ROBO2: variants seen among roughly 807,000 people sequenced by gnomAD.
The protein encoded by ROBO2 is roundabout homolog 2.
Under a neutral mutation model 160.8 loss-of-function variants are expected in ROBO2, and 53 were observed. That is an observed-to-expected ratio of 0.33 (90% CI 0.26 to 0.41). The LOEUF (loss-of-function observed/expected upper bound fraction) is 0.41, where lower values mean the gene tolerates loss of function less well. ROBO2 is among the 10% of genes least tolerant of loss of function. The pLI, the probability that ROBO2 is intolerant of heterozygous loss-of-function variation, is 1.00. For synonymous variants in ROBO2, 664 were observed against 611.7 expected (o/e 1.09, Z -1.26); for missense variants, 1,577 against 1,722.4 (o/e 0.92, Z 1.49).
At chr3:76,401,283 A>G (rs190651923) in intron 2 of ROBO2, among the ~76,000 whole-genome samples, 7 of 151,672 alleles carry the variant, frequency 4.6e-5, no homozygotes, top group Non-Finnish European at 1.0e-4. Flanking sequence ...GTTTAACTAC[A>G]TCAGATTGAA....
chr3:77,199,414 T>A (rs1170386703), intron 2 of ROBO2, among the ~76,000 whole-genome samples: 1 of 152,172 alleles, frequency 6.6e-6, no homozygotes, highest in Non-Finnish European at 1.5e-5. Flanking sequence ...AGTCTTTAAA[T>A]GACGGTGGTC....
intron 2 of ROBO2, among the ~76,000 whole-genome samples, chr3:77,427,853 T>C (rs2078361803): frequency 1.3e-5 from 2 of 152,216 alleles, no homozygotes; most frequent in South Asian, 4.1e-4. Context: ...ATATGGTTAA[T>C]AGGGAGAGAT....
intron 2 of ROBO2, among the ~76,000 whole-genome samples, chr3:76,344,213 T>C (rs1332107068): frequency 6.6e-6 from 1 of 152,186 alleles, no homozygotes; most frequent in African/African-American, 2.4e-5. Flanking sequence ...TAAAAATTGA[T>C]AGACTGATAG....
At chr3:77,192,443 T>G (rs72891577) in intron 2 of ROBO2, among the ~76,000 whole-genome samples, 1,918 of 152,252 alleles carry the variant, frequency 0.013, 40 homozygotes, top group African/African-American at 0.043. Flanking sequence ...AAATGTTGAA[T>G]GTAGCTATTC....
intron 2 of ROBO2, among the ~76,000 whole-genome samples, chr3:76,366,200 GA>G (rs2075804230): frequency 6.6e-6 from 1 of 151,982 alleles, no homozygotes; most frequent in Non-Finnish European, 1.5e-5. Flanking sequence ...CTCCTTTTCA[GA>G]GAGATTTTCC....
intron 2 of ROBO2, among the ~76,000 whole-genome samples, chr3:76,885,041 G>T (rs1045302820): frequency 6.6e-6 from 1 of 152,100 alleles, no homozygotes; most frequent in Admixed American, 6.5e-5. Flanking sequence ...GGCTGAAAAG[G>T]TCAAAAGCAA....
chr3:76,706,483 C>G (rs1050769463), intron 2 of ROBO2, among the ~76,000 whole-genome samples: 2 of 151,942 alleles, frequency 1.3e-5, no homozygotes, highest in African/African-American at 4.8e-5. Context: ...GATCCCTCCC[C>G]CAGCCTCCTA....
intron 2 of ROBO2, among the ~76,000 whole-genome samples, chr3:76,714,848 T>C (rs1041434682): frequency 4.6e-5 from 7 of 152,000 alleles, no homozygotes; most frequent in Admixed American, 4.6e-4. Flanking sequence ...TGCCACAGAG[T>C]CTATTAACTG....
At chr3:76,514,415 G>C (rs916319957) in intron 2 of ROBO2, among the ~76,000 whole-genome samples, 1 of 152,098 alleles carries the variant, frequency 6.6e-6, no homozygotes, top group African/African-American at 2.4e-5. Context: ...GCTGAGAATT[G>C]TCCTTTATTC....
At chr3:76,983,667 A>G (rs1342043404) in intron 2 of ROBO2, among the ~76,000 whole-genome samples, 1 of 152,216 alleles carries the variant, frequency 6.6e-6, no homozygotes. Flanking sequence ...ATTGAAAAAA[A>G]CTTACAAAGT....
intron 2 of ROBO2, among the ~76,000 whole-genome samples, chr3:76,426,455 C>A (rs1048965153): frequency 2.4e-4 from 37 of 152,050 alleles, no homozygotes; most frequent in African/African-American, 8.0e-4. Flanking sequence ...CATCTGCGTC[C>A]TACAGAGTTC....
intron 2 of ROBO2, among the ~76,000 whole-genome samples, chr3:75,991,662 A>G (rs1559811590): frequency 6.6e-6 from 1 of 152,068 alleles, no homozygotes; most frequent in East Asian, 1.9e-4. Flanking sequence ...CTGAAAAGAT[A>G]CCCCAAAATG....
At position 77,152,076 on chromosome 3, in the gene ROBO2, T is replaced by C. The variant is rs1003589681; in HGVS notation, c.388+53736T>C. Reference sequence around the variant, plus strand: ...TTTTGATTTTCTGGGCATATTCCTGTTACTCAATGTATTCATTCAGCAGAG... The same window carrying C: ...TTTTGATTTTCTGGGCATATTCCTGCTACTCAATGTATTCATTCAGCAGAG... On this transcript the variant is annotated intron_variant, in intron 2 of 25. Coordinates refer to ENST00000461745, the Ensembl canonical transcript of ROBO2. Among the ~76,000 whole-genome samples the C allele has an allele frequency of 5.3e-5, 8 of 152,326 alleles. No homozygotes were observed. The South Asian group carries it at 8.3e-4, about 16-fold the overall frequency.
intron 2 of ROBO2, among the ~76,000 whole-genome samples, chr3:76,691,870 C>T (rs1435131496): frequency 2.6e-5 from 4 of 152,046 alleles, no homozygotes; most frequent in African/African-American, 7.2e-5. Flanking sequence ...CTTCCAAACC[C>T]GAGGTGTACA....
At chr3:77,063,714 T>G (rs1012864076) in intron 1 of ROBO2, among the ~76,000 whole-genome samples, 1 of 152,236 alleles carries the variant, frequency 6.6e-6, no homozygotes, top group Non-Finnish European at 1.5e-5. Flanking sequence ...AAGTGTTTAA[T>G]AAATATTCGT....
chr3:76,245,378 G>T (rs189468074), intron 2 of ROBO2, among the ~76,000 whole-genome samples: 12 of 152,276 alleles, frequency 7.9e-5, no homozygotes, highest in Admixed American at 7.8e-4. Context: ...TTCATTGAAT[G>T]AATGGATGGA....
intron 2 of ROBO2, among the ~76,000 whole-genome samples, chr3:76,158,880 A>G (rs1032934964): frequency 1.3e-5 from 2 of 152,326 alleles, no homozygotes; most frequent in Middle Eastern, 3.4e-3. Flanking sequence ...CATCTTTACC[A>G]TAAAAATATA....
In ROBO2 at chr3:77,105,242, A is replaced by G. The variant is rs2072627836; in HGVS notation, c.388+6902A>G. On this transcript the variant is annotated intron_variant, in intron 2 of 25. Transcript: ENST00000461745. ...TATCTTTCTTAAAACAAAGAAGCAC[A>G]CAAACAAACATATCAACTTAAATGC... Among the ~76,000 whole-genome samples the G allele has an allele frequency of 2.0e-5, 3 of 152,348 alleles. No individual in the cohort carries two copies. The South Asian group carries it at 6.2e-4, about 32-fold the overall frequency.
chr3:77,180,416 C>CTCTCTCTCTCTCTCTATATATATATA (rs1433740534), intron 2 of ROBO2, among the ~76,000 whole-genome samples: 48 of 90,696 alleles, frequency 5.3e-4, no homozygotes, highest in Non-Finnish European at 8.4e-4. Flanking sequence ...CTCTCTCTCT[C>CTCTCTCTCTCTCTCTATATATATATA]TATATATATA....
Sources: allele counts gnomAD v4.1 joint callset (sites outside exome capture counted in the v4.1 genomes callset), GRCh38; gene constraint gnomAD v4.1.1; transcripts MANE v1.5; gene names NCBI Gene and HGNC (gene_info 2026-07-23, HGNC 2026-07-21).